Variants in VPS26C observed in about 807,000 individuals in gnomAD.
VPS26C encodes vacuolar protein sorting-associated protein 26C.
A neutral mutation model predicts 30.6 loss-of-function variants in VPS26C; 19 were observed. The observed-to-expected ratio is 0.62, with a 90% confidence interval of 0.43 to 0.91. The LOEUF is 0.91. VPS26C is among the 40% of genes least tolerant of loss of function. The pLI is 0.00. For synonymous variants in VPS26C, 132 were observed against 151.5 expected, an observed-to-expected ratio of 0.87 and a Z score of 0.95; for missense variants, 318 against 385.1, an observed-to-expected ratio of 0.83 and a Z score of 1.46.
intron 1 of VPS26C, among the ~76,000 whole-genome samples, chr21:37,252,503 A>G (rs1602281840): frequency 6.6e-6 from 1 of 152,302 alleles, no homozygotes; most frequent in Middle Eastern, 3.4e-3. Flanking sequence ...TTAAACTGAG[A>G]TACTCCAATG....
Position 37,228,203 on chromosome 21 carries a change from C to A in VPS26C, c.658+20G>T. ...TCGAGGGGGACAGGCAAGCGCCAGG[C>A]CTGGTGGCACGGCCCTCACCGCACG... is the stretch of plus-strand genomic sequence containing the variant. On this transcript the variant is annotated intron_variant, in intron 6 of 7. Coordinates refer to ENST00000309117, the MANE Select transcript of VPS26C (RefSeq NM_006052.2). The A allele has an allele frequency of 6.2e-7, 1 of 1,606,646 alleles. No homozygotes were observed. Among genetic ancestry groups the A allele is most frequent in the Non-Finnish European group, 8.5e-7 (1 of 1,179,290 alleles).
At chr21:37,249,700 A>AG (rs2086171959) in intron 1 of VPS26C, among the ~76,000 whole-genome samples, 1 of 152,106 alleles carries the variant, frequency 6.6e-6, no homozygotes, top group African/African-American at 2.4e-5. Context: ...TTCTTTTTTG[A>AG]GGGGGAGATG....
intron 1 of VPS26C, among the ~76,000 whole-genome samples, chr21:37,244,042 G>A (rs533875603): frequency 9.5e-4 from 145 of 152,242 alleles, no homozygotes; most frequent in African/African-American, 3.1e-3. Flanking sequence ...AGCCTGCTTC[G>A]AGGGGCTCCT....
intron 5 of VPS26C, among the ~76,000 whole-genome samples, chr21:37,232,160 C>T (rs1312429061): frequency 6.6e-6 from 1 of 152,192 alleles, no homozygotes; most frequent in Non-Finnish European, 1.5e-5. Flanking sequence ...CATGGACCCT[C>T]CCTGAGGAAC....
chr21:37,233,374 G>C lies in VPS26C; in HGVS notation c.420C>G (p.Ile140Met). 1 of 1,613,958 alleles carries C rather than the reference G, an allele frequency of 6.2e-7. No homozygotes were observed. The highest frequency in any genetic ancestry group is 1.1e-5 in the South Asian group (1 of 91,076). The change falls in exon 4 of 8, where the codon ATC becomes ATG. Residue 140 changes from isoleucine to methionine, a missense_variant. Physicochemically the swap from Ile to Met is conservative, Grantham distance 10 (BLOSUM62 1). Transcript: ENST00000309117. This position sits in a 1 kb window ranked among gnomAD's most constrained non-coding sequence, Gnocchi z 5.2. ...AKDLTKTCEFIVHSAPQKGKF... is the reference protein window; with the variant it reads ...AKDLTKTCEFMVHSAPQKGKF... ...GAGTGAAGCTTACAGCGGAGTGAAC[G>C]ATAAATTCACAGGTCTTTGTCAAGT...
Position 37,254,396 on chromosome 21 carries a change from C to T in VPS26C, c.57+12842G>A, listed in dbSNP as rs73220524. 1.0e-3 allele frequency among the ~76,000 whole-genome samples: 152 copies of T among 152,232 alleles called. 2 individuals carry two copies. The highest frequency in any genetic ancestry group is 2.9e-3 in the Admixed American group (44 of 15,292). ...TGTAATCCCAACCCACTTTGGGAGG[C>T]TAGGATGGGAGGATCACCTGAAACC... On this transcript the variant is annotated intron_variant, in intron 1 of 7. Coordinates refer to ENST00000309117, the MANE Select transcript of VPS26C (RefSeq NM_006052.2).
intron 7 of VPS26C, 76 bp from the exon 8 acceptor site, chr21:37,225,702 C>T (rs1201368244): frequency 3.9e-6 from 5 of 1,281,854 alleles, no homozygotes; most frequent in Non-Finnish European, 4.5e-6. Context: ...CCACTGCAGT[C>T]GCAGGAAGCT....
At chr21:37,266,973 C>T in intron 1 of VPS26C, 1 of 535,528 alleles carries the variant, frequency 1.9e-6, no homozygotes, top group Non-Finnish European at 3.3e-6. Context: ...AGAGCGCAGC[C>T]CCGGAGCTGG....
rs556200069 is a variant in VPS26C, at chr21:37,223,451, T to A, written c.*2093A>T. 1 of 152,386 alleles carries A rather than the reference T, an allele frequency of 6.6e-6. No homozygotes were observed. Among genetic ancestry groups the A allele is most frequent in the Non-Finnish European group, 1.5e-5 (1 of 68,034 alleles). The allele number at this position is 152,386 out of a possible 1,614,324, so 9.4% of individuals were successfully genotyped here. On this transcript the variant is annotated 3_prime_UTR_variant, in exon 8 of 8. Transcript: ENST00000309117. ...TATCCATAAAATCAGTTTATTAAAT[T>A]ACATAGCAATATACATCCCAAACCT...
intron 3 of VPS26C, 127 bp downstream of exon 3, chr21:37,238,333 T>A: frequency 9.4e-7 from 1 of 1,061,494 alleles, no homozygotes; most frequent in Non-Finnish European, 1.4e-6. Flanking sequence ...CGAATATACA[T>A]GCGAGGTCTC....
chr21:37,248,346 GA>G (rs2086158148), intron 1 of VPS26C, among the ~76,000 whole-genome samples: 1 of 40,880 alleles, frequency 2.4e-5, no homozygotes, highest in East Asian at 1.5e-3. Flanking sequence ...GGGGTGGGGG[GA>G]GGGGGGGAAC....
chr21:37,259,772 G>A (rs1006385385), intron 1 of VPS26C, among the ~76,000 whole-genome samples: 1 of 152,148 alleles, frequency 6.6e-6, no homozygotes, highest in African/African-American at 2.4e-5. Context: ...AGCAGACATA[G>A]ACAGTGGGCA....
At chr21:37,228,527 T>G (rs897084051) in intron 5 of VPS26C, 154 bp from the exon 6 acceptor site, 1 of 751,444 alleles carries the variant, frequency 1.3e-6, no homozygotes, top group Admixed American at 2.7e-5. Context: ...AGCGAAGTAC[T>G]GACGTCTTGG....
At chr21:37,238,682 G>T in intron 2 of VPS26C, 73 bp from the exon 3 acceptor site, 1 of 1,562,248 alleles carries the variant, frequency 6.4e-7, no homozygotes. Context: ...ATAACGTTCT[G>T]AAGGACACAG....
chr21:37,225,675 G>A lies in VPS26C; in HGVS notation c.812-49C>T, dbSNP rs369563191. On this transcript the variant is annotated intron_variant, in intron 7 of 7. Transcript: ENST00000309117. ...TTTGTGCTCACTGTTACCAAGCAGC[G>A]AAACCACACGCCGCCACCACTGCAG... The A allele has an allele frequency of 1.5e-4, 217 of 1,478,638 alleles. 1 individual carries two copies. The highest frequency in any genetic ancestry group is 1.4e-3 in the Middle Eastern group (7 of 4,958). 91.6% of individuals were successfully genotyped at this position (1,478,638 alleles called of 1,614,324 possible).
chr21:37,246,460 A>G (rs572992564), intron 1 of VPS26C, among the ~76,000 whole-genome samples: 2 of 152,252 alleles, frequency 1.3e-5, no homozygotes, highest in Admixed American at 1.3e-4. Context: ...CCCAAGCAAT[A>G]CTATATAAAA....
intron 3 of VPS26C, chr21:37,237,816 C>G (rs1171740389): frequency 6.6e-6 from 1 of 152,188 alleles, no homozygotes; most frequent in Non-Finnish European, 1.5e-5. Flanking sequence ...GACTTTCATC[C>G]CTCTTGCATA....
intron 1 of VPS26C, among the ~76,000 whole-genome samples, chr21:37,249,959 G>A (rs1428268753): frequency 6.6e-6 from 1 of 152,046 alleles, no homozygotes; most frequent in Non-Finnish European, 1.5e-5. Flanking sequence ...GGGAAGAGAG[G>A]GAATATTCAA....
intron 1 of VPS26C, among the ~76,000 whole-genome samples, chr21:37,244,932 C>G (rs1336191354): frequency 6.6e-6 from 1 of 152,202 alleles, no homozygotes; most frequent in Non-Finnish European, 1.5e-5. Flanking sequence ...TGGAAGCAGT[C>G]GGTCTCTGCA....
Sources: allele counts gnomAD v4.1 joint callset (sites outside exome capture counted in the v4.1 genomes callset), GRCh38; gene constraint gnomAD v4.1.1; non-coding constraint Gnocchi (gnomAD v3.1); transcripts MANE v1.5; gene names NCBI Gene and HGNC (gene_info 2026-07-23, HGNC 2026-07-21).